The following TRAPPC9 variants were observed in gnomAD, a reference collection of about 807,000 sequenced individuals.
The protein encoded by TRAPPC9 is trafficking protein particle complex subunit 9, also known as IKK2 binding protein.
Under a neutral mutation model 124.0 loss-of-function variants are expected in TRAPPC9, and 83 were observed. The ratio of observed to expected loss-of-function variants is 0.67; its 90% CI spans 0.56 to 0.80. TRAPPC9 has a LOEUF of 0.80. Among genes scored for constraint, TRAPPC9 ranks in the 30% least tolerant of loss-of-function variants. The pLI is 0.00. For missense variants in TRAPPC9, 1,302 were observed against 1,508.3 expected, an observed-to-expected ratio of 0.86 and a Z score of 2.27; for synonymous variants, 638 against 617.5, an observed-to-expected ratio of 1.03 and a Z score of -0.49.
In TRAPPC9 at chr8:139,800,992, C is replaced by T. The variant is rs571349572; in HGVS notation, c.3056-68790G>A. On this transcript the variant is annotated intron_variant, in intron 21 of 22. Coordinates refer to ENST00000438773, the MANE Select transcript of TRAPPC9 (RefSeq NM_001160372.4). ...CCTCCCTCCGGCATCTTCCCCCGCT[C>T]TGGCACCTTCCCTCCCTCCGGCATC... Among the ~76,000 whole-genome samples the T allele has an allele frequency of 4.7e-5, 7 of 150,138 alleles. No individual in the cohort carries two copies. In the East Asian group the frequency reaches 1.4e-3, roughly 30 times the overall value.
chr8:140,443,131 C>CAAAAAA lies in TRAPPC9; in HGVS notation c.585-3940_585-3935dup, dbSNP rs1177286944. On this transcript the variant is annotated intron_variant, in intron 2 of 22. Coordinates refer to ENST00000438773, the MANE Select transcript of TRAPPC9 (RefSeq NM_001160372.4). Reference sequence around the variant, plus strand: ...CTGGCAACGGAGCGAGACTCCATCTCAAAAAAAAAAAAAAAAAAAAAAAGC... The same window carrying CAAAAAA: ...CTGGCAACGGAGCGAGACTCCATCTCAAAAAAAAAAAAAAAAAAAAAAAAAAAAAGC... 3.7e-3 allele frequency among the ~76,000 whole-genome samples: 163 copies of CAAAAAA among 43,938 alleles called. 12 individuals are homozygous for CAAAAAA. Among genetic ancestry groups the CAAAAAA allele is most frequent in the East Asian group, 5.8e-3 (16 of 2,756 alleles). 28.8% of individuals were successfully genotyped at this position (43,938 alleles called of 152,430 possible). A position where few individuals can be genotyped will look rare whatever the true frequency, so the allele number is the denominator to read the frequency against.
At chr8:140,015,963 T>C (rs1388947564) in intron 18 of TRAPPC9, among the ~76,000 whole-genome samples, 1 of 152,242 alleles carries the variant, frequency 6.6e-6, no homozygotes, top group Non-Finnish European at 1.5e-5. Flanking sequence ...GTTGACCACC[T>C]GGCTGCATGT....
intron 1 of TRAPPC9, among the ~76,000 whole-genome samples, chr8:140,457,381 G>C (rs937791946): frequency 3.3e-5 from 5 of 152,206 alleles, no homozygotes; most frequent in African/African-American, 4.8e-5. Context: ...ACAGGTGTCC[G>C]CCGAGTCTTC....
At chr8:139,945,218 T>G (rs529681959) in intron 19 of TRAPPC9, among the ~76,000 whole-genome samples, 19 of 152,170 alleles carry the variant, frequency 1.2e-4, no homozygotes, top group Non-Finnish European at 2.5e-4. Context: ...ACTTTAAATA[T>G]GAAAACTTAT....
chr8:139,953,707 T>C (rs1168452014), intron 19 of TRAPPC9, among the ~76,000 whole-genome samples: 1 of 151,514 alleles, frequency 6.6e-6, no homozygotes, highest in African/African-American at 2.4e-5. Flanking sequence ...AATGCAAGAG[T>C]GACAAAACAA....
At chr8:140,057,288 A>G (rs1842343181) in intron 17 of TRAPPC9, among the ~76,000 whole-genome samples, 1 of 152,220 alleles carries the variant, frequency 6.6e-6, no homozygotes, top group African/African-American at 2.4e-5. Flanking sequence ...AGTTTCCTCA[A>G]AAAATCAGAA....
chr8:140,013,414 TC>T (rs2131859893), intron 18 of TRAPPC9, among the ~76,000 whole-genome samples: 1 of 152,338 alleles, frequency 6.6e-6, no homozygotes, highest in African/African-American at 2.4e-5. Context: ...CTCCGGCTGG[TC>T]AACGCAAATC....
intron 19 of TRAPPC9, chr8:139,914,128 C>T (rs984109327): frequency 6.6e-6 from 1 of 152,332 alleles, no homozygotes; most frequent in Non-Finnish European, 1.5e-5. Context: ...GGCAGCACTG[C>T]CAGAACTTTG....
chr8:139,819,332 A>G (rs143735245), intron 21 of TRAPPC9, among the ~76,000 whole-genome samples: 21 of 152,298 alleles, frequency 1.4e-4, no homozygotes, highest in African/African-American at 4.8e-4. Flanking sequence ...TAATTATTTC[A>G]TTATATATTA....
intron 17 of TRAPPC9, among the ~76,000 whole-genome samples, chr8:140,176,380 CT>C: frequency 2.0e-5 from 3 of 152,224 alleles, no homozygotes; most frequent in Non-Finnish European, 1.5e-5. Context: ...GACAGTTTCA[CT>C]TTGCACATTC....
At chr8:140,426,685 A>G in intron 4 of TRAPPC9, 44 bp from the exon 5 acceptor site, 1 of 1,585,214 alleles carries the variant, frequency 6.3e-7, no homozygotes, top group Non-Finnish European at 8.7e-7. Context: ...GGAAAACAAA[A>G]CTACTTTTAA....
chr8:139,919,124 C>A (rs1351590189), intron 19 of TRAPPC9, among the ~76,000 whole-genome samples: 1 of 152,184 alleles, frequency 6.6e-6, no homozygotes, highest in Non-Finnish European at 1.5e-5. Flanking sequence ...GGCTAGTGTC[C>A]CGGCTGCAGG....
chr8:140,066,507 G>A (rs368905385), intron 17 of TRAPPC9, among the ~76,000 whole-genome samples: 1 of 152,130 alleles, frequency 6.6e-6, no homozygotes, highest in East Asian at 1.9e-4. Context: ...TATGAGCTGG[G>A]GCAAGACCTG....
At chr8:139,841,779 G>A (rs974841669) in intron 21 of TRAPPC9, among the ~76,000 whole-genome samples, 1 of 152,240 alleles carries the variant, frequency 6.6e-6, no homozygotes, top group African/African-American at 2.4e-5. Context: ...GCTGGTGGGG[G>A]ACCCAGCCCC....
At chr8:140,114,937 C>A (rs976935852) in intron 17 of TRAPPC9, among the ~76,000 whole-genome samples, 4 of 152,260 alleles carry the variant, frequency 2.6e-5, no homozygotes, top group African/African-American at 9.6e-5. Flanking sequence ...CTGACTACCT[C>A]CTGAGAGCTG....
At chr8:140,320,412 G>C (rs1490578442) in intron 9 of TRAPPC9, among the ~76,000 whole-genome samples, 2 of 152,160 alleles carry the variant, frequency 1.3e-5, no homozygotes, top group Non-Finnish European at 2.9e-5. Context: ...CTAACACCAA[G>C]AACTGGGCAG....
chr8:140,067,447 T>C (rs1225994773), intron 17 of TRAPPC9, among the ~76,000 whole-genome samples: 4 of 152,136 alleles, frequency 2.6e-5, no homozygotes, highest in Non-Finnish European at 4.4e-5. Flanking sequence ...CCCACCAACC[T>C]TCTAAGTTTT....
At chr8:140,442,871 A>C (rs946766539) in intron 2 of TRAPPC9, among the ~76,000 whole-genome samples, 2 of 152,028 alleles carry the variant, frequency 1.3e-5, no homozygotes, top group African/African-American at 4.8e-5. Flanking sequence ...GAGGTGGCTC[A>C]TGCCTGTAAT....
At chr8:140,130,978 C>T (rs1050677564) in intron 17 of TRAPPC9, among the ~76,000 whole-genome samples, 4 of 152,132 alleles carry the variant, frequency 2.6e-5, no homozygotes, top group African/African-American at 4.8e-5. Context: ...TAATTCCATA[C>T]GCAGACTTCC....
Sources: gnomAD v4.1 joint callset for allele counts (sites outside exome capture counted in the v4.1 genomes callset) on GRCh38, gnomAD v4.1.1 for gene constraint, MANE v1.5 for transcripts, NCBI Gene and HGNC (gene_info 2026-07-23, HGNC 2026-07-21) for gene names.